ZBTB20: variants seen among roughly 807,000 people sequenced by gnomAD.
ZBTB20 encodes the protein zinc finger and BTB domain containing 20, also known as zinc finger and BTB domain-containing protein 20.
Under a neutral mutation model 56.9 loss-of-function variants are expected in ZBTB20, and 9 were observed. That is an observed-to-expected ratio of 0.16 (90% CI 0.10 to 0.28). The LOEUF is 0.28. Ranked by LOEUF, ZBTB20 falls within the 10% of genes least tolerant of loss-of-function variation. The pLI, the probability that ZBTB20 is intolerant of heterozygous loss-of-function variation, is 1.00. For missense variants in ZBTB20, 655 were observed against 1,003.0 expected (o/e 0.65, Z 4.69); for synonymous variants, 417 against 420.7 (o/e 0.99, Z 0.11).
chr3:114,639,791 G>A (rs972508643), intron 6 of ZBTB20, among the ~76,000 whole-genome samples: 1 of 151,926 alleles, frequency 6.6e-6, no homozygotes, highest in African/African-American at 2.4e-5. Flanking sequence ...GTTTACACAT[G>A]TAACACTTTT....
chr3:115,065,391 T>C (rs754760480), intron 2 of ZBTB20, among the ~76,000 whole-genome samples: 4 of 152,170 alleles, frequency 2.6e-5, no homozygotes, highest in African/African-American at 7.2e-5. Context: ...TTGTTTCTCA[T>C]TGACACAACA....
intron 2 of ZBTB20, among the ~76,000 whole-genome samples, chr3:114,990,957 T>C (rs1384262106): frequency 6.6e-6 from 1 of 152,180 alleles, no homozygotes; most frequent in Non-Finnish European, 1.5e-5. Context: ...TGATATCCCC[T>C]TTATCATTTT....
chr3:114,656,135 AG>A (rs1168291251), intron 6 of ZBTB20, among the ~76,000 whole-genome samples: 2 of 152,220 alleles, frequency 1.3e-5, no homozygotes, highest in African/African-American at 4.8e-5. Flanking sequence ...CATTACATTT[AG>A]TATGAGGAAT....
intron 2 of ZBTB20, among the ~76,000 whole-genome samples, chr3:115,006,305 T>C (rs1021146702): frequency 6.6e-6 from 1 of 151,748 alleles, no homozygotes; most frequent in African/African-American, 2.4e-5. Flanking sequence ...CCCTCCATAG[T>C]AGGACAGGAA....
At chr3:114,862,708 T>G (rs970835228) in intron 4 of ZBTB20, among the ~76,000 whole-genome samples, 7 of 152,106 alleles carry the variant, frequency 4.6e-5, no homozygotes, top group African/African-American at 1.7e-4. Flanking sequence ...TTTGTTGCAA[T>G]AAGTGTATAA....
intron 6 of ZBTB20, among the ~76,000 whole-genome samples, chr3:114,601,286 C>T (rs1196809430): frequency 6.6e-6 from 1 of 152,046 alleles, no homozygotes; most frequent in Non-Finnish European, 1.5e-5. Context: ...AGACCTTCTT[C>T]CAGATTATCT....
At chr3:115,135,763 T>C (rs1234930663) in intron 1 of ZBTB20, among the ~76,000 whole-genome samples, 3 of 152,194 alleles carry the variant, frequency 2.0e-5, no homozygotes, top group African/African-American at 7.2e-5. Flanking sequence ...TTTTGCTTTC[T>C]AGAAGAGCTA....
At chr3:114,918,670 G>T (rs2075837835) in intron 3 of ZBTB20, among the ~76,000 whole-genome samples, 1 of 152,186 alleles carries the variant, frequency 6.6e-6, no homozygotes. Context: ...CTGGAAGCTA[G>T]TGCCTAAAGT....
chr3:114,635,764 A>G (rs1357177062), intron 6 of ZBTB20, among the ~76,000 whole-genome samples: 1 of 152,004 alleles, frequency 6.6e-6, no homozygotes, highest in Non-Finnish European at 1.5e-5. Context: ...AGCACAAAGA[A>G]AAAACAAGGA....
chr3:114,620,616 A>T (rs1278138641), intron 6 of ZBTB20, among the ~76,000 whole-genome samples: 2 of 152,154 alleles, frequency 1.3e-5, no homozygotes, highest in African/African-American at 2.4e-5. Flanking sequence ...GATAAGCAAG[A>T]TGTATTCACT....
At chr3:114,765,892 A>G (rs1183865884) in intron 5 of ZBTB20, among the ~76,000 whole-genome samples, 4 of 152,194 alleles carry the variant, frequency 2.6e-5, no homozygotes, top group Admixed American at 2.0e-4. Flanking sequence ...TTTACTAAAA[A>G]GACAAACTGA....
intron 7 of ZBTB20, among the ~76,000 whole-genome samples, chr3:114,401,532 T>TCCAGAGAG: frequency 6.6e-6 from 1 of 152,218 alleles, no homozygotes; most frequent in African/African-American, 2.4e-5. Flanking sequence ...TTCATAAAAT[T>TCCAGAGAG]CCAGAGAGTG....
chr3:114,893,643 C>T (rs1022165896), intron 4 of ZBTB20, among the ~76,000 whole-genome samples: 2 of 151,934 alleles, frequency 1.3e-5, no homozygotes, highest in Non-Finnish European at 2.9e-5. Flanking sequence ...CACTCCATCC[C>T]CTTTTGATGT....
At chr3:114,967,991 C>T (rs1001191536) in intron 3 of ZBTB20, among the ~76,000 whole-genome samples, 4 of 151,546 alleles carry the variant, frequency 2.6e-5, no homozygotes, top group Admixed American at 1.3e-4. Flanking sequence ...CATCCTGATG[C>T]TAGAGTTGTA....
intron 5 of ZBTB20, among the ~76,000 whole-genome samples, chr3:114,766,338 C>G (rs914037122): frequency 6.6e-6 from 1 of 152,040 alleles, no homozygotes; most frequent in African/African-American, 2.4e-5. Flanking sequence ...AGACAAGAAA[C>G]AGTAACATTC....
intron 2 of ZBTB20, among the ~76,000 whole-genome samples, chr3:115,000,731 T>A (rs201691656): frequency 6.6e-6 from 1 of 151,470 alleles, no homozygotes; most frequent in Non-Finnish European, 1.5e-5. Flanking sequence ...CCAAAAGTAA[T>A]TTACCAGGTT....
intron 1 of ZBTB20, among the ~76,000 whole-genome samples, chr3:115,102,076 T>C (rs1172400035): frequency 6.6e-6 from 1 of 152,220 alleles, no homozygotes; most frequent in Non-Finnish European, 1.5e-5. Context: ...GACATTAGAA[T>C]GTAATATCTA....
intron 7 of ZBTB20, among the ~76,000 whole-genome samples, chr3:114,465,509 C>T (rs2092508506): frequency 1.3e-5 from 2 of 152,016 alleles, no homozygotes; most frequent in Non-Finnish European, 2.9e-5. Flanking sequence ...GAATTCAAGA[C>T]CAGCCTGGCC....
intron 6 of ZBTB20, among the ~76,000 whole-genome samples, chr3:114,672,274 G>C (rs1438568590): frequency 6.6e-6 from 1 of 151,718 alleles, no homozygotes; most frequent in Non-Finnish European, 1.5e-5. Context: ...TCCCATAAAG[G>C]GCCCACTCAC....
Sources: gnomAD v4.1 joint callset for allele counts (sites outside exome capture counted in the v4.1 genomes callset) on GRCh38, gnomAD v4.1.1 for gene constraint, MANE v1.5 for transcripts, NCBI Gene and HGNC (gene_info 2026-07-23, HGNC 2026-07-21) for gene names.